GRIN2B: variants seen among roughly 807,000 people sequenced by gnomAD.
GRIN2B encodes the protein glutamate ionotropic receptor NMDA type subunit 2B, also known as glutamate receptor ionotropic, NMDA 2B.
A neutral mutation model predicts 114.5 loss-of-function variants in GRIN2B; 5 were observed. The observed-to-expected ratio is 0.04, with a 90% CI of 0.02 to 0.09. The LOEUF is 0.09. GRIN2B is among the 10% of genes least tolerant of loss of function. The pLI, the probability that GRIN2B is intolerant of heterozygous loss-of-function variation, is 1.00. For synonymous variants in GRIN2B, 787 were observed against 745.1 expected, an observed-to-expected ratio of 1.06 and a Z score of -0.92; for missense variants, 1,108 against 1,943.5, an observed-to-expected ratio of 0.57 and a Z score of 8.08.
chr12:13,975,422 G>C (rs1863003239), intron 2 of GRIN2B, among the ~76,000 whole-genome samples: 1 of 152,236 alleles, frequency 6.6e-6, no homozygotes, highest in Non-Finnish European at 1.5e-5. Flanking sequence ...CAATGGCATG[G>C]TGTACAAAGC....
chr12:13,920,690 T>C (rs1866808281), intron 2 of GRIN2B, among the ~76,000 whole-genome samples: 2 of 152,150 alleles, frequency 1.3e-5, no homozygotes, highest in African/African-American at 4.8e-5. Flanking sequence ...AGACGTCACT[T>C]TGATGTTGGC....
intron 3 of GRIN2B, among the ~76,000 whole-genome samples, chr12:13,811,883 A>T (rs1384304570): frequency 6.6e-6 from 1 of 152,234 alleles, no homozygotes; most frequent in Non-Finnish European, 1.5e-5. Context: ...ATGTATGAAC[A>T]TGTAGTAAAC....
At chr12:13,956,205 A>G (rs979888959) in intron 2 of GRIN2B, among the ~76,000 whole-genome samples, 1 of 152,190 alleles carries the variant, frequency 6.6e-6, no homozygotes, top group Non-Finnish European at 1.5e-5. Context: ...AAGTGCACGA[A>G]TGAGCTGGAG....
chr12:13,931,912 A>G (rs1342279317), intron 2 of GRIN2B, among the ~76,000 whole-genome samples: 1 of 152,102 alleles, frequency 6.6e-6, no homozygotes, highest in Non-Finnish European at 1.5e-5. Flanking sequence ...TTCTCACCTA[A>G]ATGATGAAAC....
chr12:13,642,276 A>T (rs1373746148), intron 5 of GRIN2B, among the ~76,000 whole-genome samples: 1 of 152,144 alleles, frequency 6.6e-6, no homozygotes, highest in Non-Finnish European at 1.5e-5. Context: ...CCAACTCATT[A>T]TTTTGATTAT....
At position 13,865,817 on chromosome 12, in the gene GRIN2B, G is replaced by C; in HGVS notation, c.392C>G (p.Ser131Cys). 1 of 1,613,844 alleles carries C rather than the reference G, an allele frequency of 6.2e-7. No homozygotes were observed. Among genetic ancestry groups the C allele is most frequent in the Non-Finnish European group, 8.5e-7 (1 of 1,179,832 alleles). The change falls in exon 3 of 14, where the codon TCT (serine) becomes TGT (cysteine). Residue 131 changes from serine to cysteine, a missense_variant. Around this residue, in one of 19 missense-constraint regions of GRIN2B, gnomAD observed 199 missense variants for 439.6 expected, o/e 0.45. Transcript: ENST00000609686. ...TTTTACCTTATCTGCCATTATCATAGAGGAGCCCCCGTGGATGCCCAGGAT... is the reference window on the plus strand; with the variant it reads ...TTTTACCTTATCTGCCATTATCATACAGGAGCCCCCGTGGATGCCCAGGAT... ...TPILGIHGGS[S>C]MIMADKDESS...
At chr12:13,836,217 T>C (rs762451912) in intron 3 of GRIN2B, among the ~76,000 whole-genome samples, 22 of 152,270 alleles carry the variant, frequency 1.4e-4, no homozygotes, top group Non-Finnish European at 3.1e-4. Context: ...CTGCCTGCCA[T>C]ACTCAGGCCT....
chr12:13,916,349 A>G (rs960076632), intron 2 of GRIN2B, among the ~76,000 whole-genome samples: 1 of 152,146 alleles, frequency 6.6e-6, no homozygotes, highest in Non-Finnish European at 1.5e-5. Context: ...TCTTTGCCAA[A>G]CTGAGATTGG....
At chr12:13,912,454 C>T (rs1203577653) in intron 2 of GRIN2B, among the ~76,000 whole-genome samples, 1 of 152,168 alleles carries the variant, frequency 6.6e-6, no homozygotes, top group Non-Finnish European at 1.5e-5. Flanking sequence ...ATTGAAGTTA[C>T]GTATTGAACA....
intron 5 of GRIN2B, among the ~76,000 whole-genome samples, chr12:13,655,413 G>A (rs905591946): frequency 6.6e-6 from 1 of 152,152 alleles, no homozygotes; most frequent in African/African-American, 2.4e-5. Context: ...CAAGTATGAG[G>A]CTTGAATTTT....
In GRIN2B at chr12:13,542,088, G is replaced by T. The variant is rs7973635; in HGVS notation, c.*20695C>A. The T allele has an allele frequency of 0.9, 137,467 of 152,094 alleles. 63,786 individuals are homozygous for T. Among genetic ancestry groups the T allele is most frequent in the East Asian group, 1 (5,168 of 5,168 alleles). 9.4% of individuals were successfully genotyped at this position (152,094 alleles called of 1,614,324 possible). ...AAGCCCTCTCCTGATCCTTGAAAACGCTCTCTCAAGGCTTTTAAAGACTTT... is the reference window on the plus strand; with the variant it reads ...AAGCCCTCTCCTGATCCTTGAAAACTCTCTCTCAAGGCTTTTAAAGACTTT... On this transcript the variant is annotated 3_prime_UTR_variant, in exon 14 of 14. Transcript: ENST00000609686.
At chr12:13,634,242 T>A (rs964108601) in intron 5 of GRIN2B, 8 of 152,336 alleles carry the variant, frequency 5.3e-5, no homozygotes, top group African/African-American at 1.7e-4. Context: ...TTCCAGGAGC[T>A]TGTAATGAAA....
At position 13,547,033 on chromosome 12, in the gene GRIN2B, C is replaced by T. The variant is rs1167151832; in HGVS notation, c.*15750G>A. 6.6e-6 allele frequency: 1 copy of T among 152,108 alleles called. No individual in the cohort carries two copies. The highest frequency in any genetic ancestry group is 1.5e-5 in the Non-Finnish European group (1 of 68,020). The allele number at this position is 152,108 out of a possible 1,614,324, so 9.4% of individuals were successfully genotyped here. ...TGCTTGTCATTCTTTCTCCAACTTC[C>T]TAAGTTAAAAAATGATGAGAAAACC... is the stretch of plus-strand genomic sequence containing the variant. On this transcript the variant is annotated 3_prime_UTR_variant, in exon 14 of 14. Transcript: ENST00000609686.
chr12:13,763,256 C>G (rs73300384), intron 3 of GRIN2B, among the ~76,000 whole-genome samples: 8 of 152,266 alleles, frequency 5.3e-5, no homozygotes, highest in African/African-American at 1.9e-4. Context: ...CTGTCCTCAC[C>G]GACACCATCT....
intron 5 of GRIN2B, among the ~76,000 whole-genome samples, chr12:13,668,135 C>T (rs1199580920): frequency 1.3e-5 from 2 of 152,170 alleles, no homozygotes. Flanking sequence ...GGAACACTTT[C>T]CTTTTCACTG....
chr12:13,568,335 A>T (rs1948667089), intron 12 of GRIN2B, among the ~76,000 whole-genome samples: 1 of 152,218 alleles, frequency 6.6e-6, no homozygotes, highest in Admixed American at 6.5e-5. Context: ...CTATTCCCAT[A>T]GTTCTACTTT....
chr12:13,853,287 A>C (rs1330206497), intron 3 of GRIN2B, among the ~76,000 whole-genome samples: 1 of 152,188 alleles, frequency 6.6e-6, no homozygotes, highest in Non-Finnish European at 1.5e-5. Flanking sequence ...AACCTCAAAT[A>C]GTTCCTAATA....
At chr12:13,808,776 T>TA (rs1208845445) in intron 3 of GRIN2B, among the ~76,000 whole-genome samples, 1 of 146,472 alleles carries the variant, frequency 6.8e-6, no homozygotes, top group Non-Finnish European at 1.5e-5. Flanking sequence ...TATATACATA[T>TA]AAAATAAAAG....
intron 4 of GRIN2B, among the ~76,000 whole-genome samples, chr12:13,727,227 C>T (rs529472380): frequency 3.3e-4 from 50 of 152,184 alleles, no homozygotes; most frequent in Non-Finnish European, 6.2e-4. Context: ...ACATATGCCA[C>T]GACAAGGTAG....
Sources: allele counts gnomAD v4.1 joint callset (sites outside exome capture counted in the v4.1 genomes callset), GRCh38; gene constraint gnomAD v4.1.1; regional missense constraint gnomAD v4.1.1; transcripts MANE v1.5; gene names NCBI Gene and HGNC (gene_info 2026-07-23, HGNC 2026-07-21).